Variants in XKR4 observed in about 807,000 individuals in gnomAD.
XKR4 encodes XK-related protein 4.
A neutral mutation model predicts 53.9 loss-of-function variants in XKR4; 12 were observed. That is an observed-to-expected ratio of 0.22 (90% confidence interval 0.14 to 0.36). XKR4 has a LOEUF of 0.36. XKR4 is among the 10% of genes least tolerant of loss of function. XKR4 has a pLI of 1.00. For missense variants in XKR4, 799 were observed against 859.5 expected (o/e 0.93, Z 0.88); for synonymous variants, 354 against 362.4 (o/e 0.98, Z 0.26).
chr8:55,197,794 C>T (rs1304077420), intron 1 of XKR4, among the ~76,000 whole-genome samples: 6 of 152,186 alleles, frequency 3.9e-5, no homozygotes, highest in African/African-American at 1.4e-4. Context: ...CCACCTGCCT[C>T]AGCCTCCGAA....
chr8:55,313,537 TGA>T (rs971984330), intron 1 of XKR4, among the ~76,000 whole-genome samples: 3 of 152,052 alleles, frequency 2.0e-5, no homozygotes, highest in Non-Finnish European at 4.4e-5. Flanking sequence ...CCCAAGATGC[TGA>T]GAGAGAGAGC....
At chr8:55,211,398 G>GCACACAT (rs1024974732) in intron 1 of XKR4, among the ~76,000 whole-genome samples, 3 of 152,154 alleles carry the variant, frequency 2.0e-5, no homozygotes, top group African/African-American at 7.2e-5. Context: ...AATGACCATT[G>GCACACAT]CACACATCAA....
chr8:55,271,809 T>C (rs2129372639), intron 1 of XKR4, among the ~76,000 whole-genome samples: 1 of 152,330 alleles, frequency 6.6e-6, no homozygotes, highest in South Asian at 2.1e-4. Flanking sequence ...TTGGGGCTGA[T>C]TGTTTCAGCA....
intron 1 of XKR4, among the ~76,000 whole-genome samples, chr8:55,259,422 A>G (rs1032095270): frequency 6.6e-6 from 1 of 152,228 alleles, no homozygotes; most frequent in African/African-American, 2.4e-5. Flanking sequence ...CTCCTACCCT[A>G]TGATGGATCA....
At chr8:55,206,504 G>A (rs117773424) in intron 1 of XKR4, among the ~76,000 whole-genome samples, 2,417 of 151,970 alleles carry the variant, frequency 0.016, 31 homozygotes, top group Non-Finnish European at 0.02. Context: ...TTCATCCACA[G>A]CACACACAAA....
At chr8:55,187,516 G>C (rs1378867833) in intron 1 of XKR4, among the ~76,000 whole-genome samples, 1 of 152,130 alleles carries the variant, frequency 6.6e-6, no homozygotes, top group African/African-American at 2.4e-5. Context: ...GAGTCAAGTC[G>C]ACCAGTGTCC....
intron 1 of XKR4, among the ~76,000 whole-genome samples, chr8:55,234,019 C>A (rs1299757658): frequency 1.3e-5 from 2 of 152,142 alleles, no homozygotes; most frequent in Non-Finnish European, 2.9e-5. Flanking sequence ...AAAGCCAATA[C>A]CATTATCGAT....
At chr8:55,118,681 G>A (rs1403649225) in intron 1 of XKR4, among the ~76,000 whole-genome samples, 1 of 152,198 alleles carries the variant, frequency 6.6e-6, no homozygotes, top group Non-Finnish European at 1.5e-5. Flanking sequence ...TTCAAAAGAT[G>A]CTTCTCAAAA....
At chr8:55,467,359 T>C (rs2975966) in intron 2 of XKR4, among the ~76,000 whole-genome samples, 63,989 of 151,930 alleles carry the variant, frequency 0.42, 13,980 homozygotes, top group East Asian at 0.53. Context: ...GATTAGGCAC[T>C]TTCATTACAT....
intron 2 of XKR4, among the ~76,000 whole-genome samples, chr8:55,479,540 A>G (rs1806064496): frequency 6.6e-6 from 1 of 152,190 alleles, no homozygotes. Flanking sequence ...GGCAAGAAAT[A>G]ACTAAAATCA....
At chr8:55,239,477 T>C (rs1818177934) in intron 1 of XKR4, among the ~76,000 whole-genome samples, 1 of 152,224 alleles carries the variant, frequency 6.6e-6, no homozygotes, top group African/African-American at 2.4e-5. Flanking sequence ...TTTTAAGCTC[T>C]GGAGAATAGG....
At chr8:55,193,445 C>T (rs751911365) in intron 1 of XKR4, among the ~76,000 whole-genome samples, 1 of 152,132 alleles carries the variant, frequency 6.6e-6, no homozygotes, top group Non-Finnish European at 1.5e-5. Context: ...TCCCTCCCTG[C>T]CCTGACCTCT....
chr8:55,228,793 T>C (rs1183963276), intron 1 of XKR4, among the ~76,000 whole-genome samples: 1 of 152,144 alleles, frequency 6.6e-6, no homozygotes, highest in African/African-American at 2.4e-5. Context: ...TGTTTTCCTT[T>C]TGCATGGTTC....
In XKR4 at chr8:55,277,638, T is replaced by C. The variant is rs114957763; in HGVS notation, c.807-80040T>C. Among the ~76,000 whole-genome samples, 208 of 152,330 alleles carry C rather than the reference T, an allele frequency of 1.4e-3. 3 individuals carry two copies. The highest frequency in any genetic ancestry group is 3.9e-3 in the African/African-American group (162 of 41,580). ...GTCAGGTGTGGAATTTTCTACTTTC[T>C]AGGTGTGTCGATGCTCAAAAACTCA... On this transcript the variant is annotated intron_variant, in intron 1 of 2. Transcript: ENST00000327381.
At chr8:55,466,516 A>C (rs1805772693) in intron 2 of XKR4, among the ~76,000 whole-genome samples, 1 of 152,104 alleles carries the variant, frequency 6.6e-6, no homozygotes. Context: ...GGATAGCATT[A>C]GGTGATATAC....
At chr8:55,341,113 C>T (rs1803538853) in intron 1 of XKR4, among the ~76,000 whole-genome samples, 1 of 152,054 alleles carries the variant, frequency 6.6e-6, no homozygotes, top group South Asian at 2.1e-4. Context: ...CAACTGAGAT[C>T]AGGATTTGAG....
At chr8:55,452,806 G>A (rs904596894) in intron 2 of XKR4, 94 of 776,002 alleles carry the variant, frequency 1.2e-4, no homozygotes, top group Middle Eastern at 2.3e-4. Context: ...TTGGGGACCA[G>A]GCTGTTGCTG....
chr8:55,308,017 G>A (rs747137186), intron 1 of XKR4, among the ~76,000 whole-genome samples: 2 of 152,200 alleles, frequency 1.3e-5, no homozygotes, highest in African/African-American at 2.4e-5. Context: ...CACTTTGGGA[G>A]GCTGAGGCGG....
intron 1 of XKR4, among the ~76,000 whole-genome samples, chr8:55,325,001 AG>A (rs58625580): frequency 0.11 from 16,080 of 152,244 alleles, 1,281 homozygotes; most frequent in African/African-American, 0.21. Context: ...GTAAGAATTA[AG>A]GATCCTTGAC....
Sources: allele counts gnomAD v4.1 joint callset (sites outside exome capture counted in the v4.1 genomes callset), GRCh38; gene constraint gnomAD v4.1.1; transcripts MANE v1.5; gene names NCBI Gene and HGNC (gene_info 2026-07-23, HGNC 2026-07-21).